Variants in RGS1 observed in about 807,000 individuals in gnomAD.
RGS1 encodes regulator of G protein signaling 1.
RGS1 carries 11 observed loss-of-function variants against 22.2 expected under a neutral mutation model. The observed-to-expected ratio is 0.50, with a 90% CI of 0.31 to 0.82. RGS1 has a LOEUF of 0.82. Ranked by LOEUF, RGS1 falls within the 40% of genes least tolerant of loss-of-function variation. The pLI is 0.04. For synonymous variants in RGS1, 81 were observed against 79.9 expected (o/e 1.01, Z -0.07); for missense variants, 255 against 245.8 (o/e 1.04, Z -0.25).
In RGS1 at chr1:192,578,177, CATTTA is replaced by C. The variant is rs766611630; in HGVS notation, c.281-36_281-32del. Reference sequence around the variant, plus strand: ...TCTTCAAATTATTCATTTGTTGGTTCATTTAATTTAATTATCTCCCCACCCACCCC... The same window carrying C: ...TCTTCAAATTATTCATTTGTTGGTTCATTTAATTATCTCCCCACCCACCCC... On this transcript the variant is annotated intron_variant, in intron 3 of 4. Coordinates refer to ENST00000367459, the MANE Select transcript of RGS1 (RefSeq NM_002922.4). 2.6e-6 allele frequency: 4 copies of C among 1,558,740 alleles called. No individual in the cohort carries two copies. In the East Asian group the frequency reaches 9.0e-5, roughly 35 times the overall value.
intron 1 of RGS1, 140 bp from the exon 2 acceptor site, chr1:192,576,144 AT>A: frequency 1.1e-6 from 1 of 903,624 alleles, no homozygotes; most frequent in South Asian, 1.8e-5. Flanking sequence ...ACACAGGCTC[AT>A]AAAAATGGGT....
intron 2 of RGS1, 24 bp downstream of exon 2, chr1:192,576,389 T>G: frequency 6.7e-7 from 1 of 1,493,650 alleles, no homozygotes; most frequent in Non-Finnish European, 9.3e-7. Flanking sequence ...TACACTAAAC[T>G]ATCATTATCA....
rs1407656389 is a variant in RGS1 at position 192,578,099 on chromosome 1, G to T, written c.281-123G>T. ...TAACACAGCTATTTCAGCAGTAGCTGTCTCTTACCTTTGTATGAATAGGAA... is the reference window on the plus strand; with the variant it reads ...TAACACAGCTATTTCAGCAGTAGCTTTCTCTTACCTTTGTATGAATAGGAA... On this transcript the variant is annotated intron_variant, in intron 3 of 4. Transcript: ENST00000367459. 10 of 1,156,458 alleles carry T rather than the reference G, an allele frequency of 8.6e-6. No homozygotes were observed. In the Admixed American group the frequency reaches 2.5e-4, roughly 29 times the overall value. The allele number at this position is 1,156,458 out of a possible 1,614,324, so 71.6% of individuals were successfully genotyped here.
At chr1:192,577,046 A>G in intron 3 of RGS1, 2 of 415,548 alleles carry the variant, frequency 4.8e-6, no homozygotes, top group Non-Finnish European at 4.2e-6. Context: ...ATTTGCCAAG[A>G]CAATTAGGTA....
chr1:192,578,174 G>A (rs769815126), intron 3 of RGS1, 48 bp from the exon 4 acceptor site: 1 of 1,556,692 alleles, frequency 6.4e-7, no homozygotes, highest in Admixed American at 2.1e-5. Flanking sequence ...TCATTTGTTG[G>A]TTCATTTAAT....
rs1280531498 is a variant in RGS1 at position 192,576,138 on chromosome 1, A to G, written c.138-147A>G. 8 of 886,962 alleles carry G rather than the reference A, an allele frequency of 9.0e-6. No homozygotes were observed. The South Asian group carries it at 1.4e-4, about 16-fold the overall frequency. The allele number at this position is 886,962 out of a possible 1,614,324, so 54.9% of individuals were successfully genotyped here. On this transcript the variant is annotated intron_variant, in intron 1 of 4. Coordinates refer to ENST00000367459, the MANE Select transcript of RGS1 (RefSeq NM_002922.4). ...ATTGGGTAGGAGTTTTTCTCTACAC[A>G]GGCTCATAAAAATGGGTTCTATAGC... is the stretch of plus-strand genomic sequence containing the variant.
Position 192,578,224 on chromosome 1 carries a change from G to C in RGS1, c.283G>C (p.Gly95Arg). 6.3e-7 allele frequency: 1 copy of C among 1,599,948 alleles called. No homozygotes were observed. Among genetic ancestry groups the C allele is most frequent in the Non-Finnish European group, 8.5e-7 (1 of 1,172,598 alleles). ...ACCCACCCCTCGTTTCTTTTTAGCT[G>C]GTCAAAATGTCTTTGGAAGTTTCCT... ...SLEKLLANQT[G>R]QNVFGSFLKS... is the part of the protein sequence containing the mutation. The change falls in exon 4 of 5, where the codon GGT becomes CGT. Residue 95 changes from glycine (G) to arginine (R), a missense_variant and splice_region_variant. Transcript: ENST00000367459.
chr1:192,575,858 C>A lies in RGS1; in HGVS notation c.66C>A (p.Asn22Lys). ...DKMPGMFFSANPKELKGTTHS... is the reference protein window; with the variant it reads ...DKMPGMFFSAKPKELKGTTHS... ...TGCCAGGAATGTTCTTCTCTGCTAA[C>A]CCAAAGGAATTGAAAGGAACCACTC... The change falls in exon 1 of 5, where the codon AAC (asparagine) becomes AAA (lysine). Residue 22 changes from asparagine (N) to lysine (K), a missense_variant. Physicochemically the swap from Asn to Lys is moderately conservative, Grantham distance 94. Transcript: ENST00000367459. 6.2e-7 allele frequency: 1 copy of A among 1,613,370 alleles called. No homozygotes were observed. The highest frequency in any genetic ancestry group is 8.5e-7 in the Non-Finnish European group (1 of 1,179,486).
intron 4 of RGS1, chr1:192,578,931 A>T: frequency 1.8e-6 from 1 of 540,686 alleles, no homozygotes; most frequent in Non-Finnish European, 3.2e-6. Flanking sequence ...TACTATGAGG[A>T]AATTTGGAAC....
rs181973067 is a variant in RGS1, at chr1:192,579,198, C to G, written c.506C>G (p.Thr169Arg). The G allele has an allele frequency of 1.9e-6, 3 of 1,613,292 alleles. No homozygotes were observed. Among genetic ancestry groups the G allele is most frequent in the Non-Finnish European group, 2.5e-6 (3 of 1,179,484 alleles). The change falls in exon 5 of 5, where the codon ACG becomes AGG. Residue 169 changes from threonine (T) to arginine (R), a missense_variant. Transcript: ENST00000367459. ...AAGAAGATTAAAGCACCAACCCCCA[C>G]GTGTTTTGATGAAGCACAAAAAGTC... The part of the protein sequence containing the change: ...TAKKIKAPTP[T>R]CFDEAQKVIY...
chr1:192,578,700 G>T, intron 4 of RGS1: 1 of 453,994 alleles, frequency 2.2e-6, no homozygotes. Flanking sequence ...TTTTGGATAA[G>T]AAAATGCAGA....
chr1:192,578,064 C>G, intron 3 of RGS1, 158 bp from the exon 4 acceptor site: 1 of 866,162 alleles, frequency 1.2e-6, no homozygotes, highest in South Asian at 1.9e-5. Context: ...CTTCTCATCT[C>G]TACAATCTAT....
At chr1:192,578,561 G>T (rs1341831164) in intron 4 of RGS1, 176 bp downstream of exon 4, 8 of 733,554 alleles carry the variant, frequency 1.1e-5, no homozygotes, top group Non-Finnish European at 1.7e-5. Flanking sequence ...TATTGGTGAG[G>T]GTTTCAGCAC....
chr1:192,575,884 A>T lies in RGS1; in HGVS notation c.92A>T (p.His31Leu). The change falls in exon 1 of 5, where the codon CAT becomes CTT. Residue 31 changes from histidine to leucine, a missense_variant. Physicochemically the swap from His to Leu is moderately conservative, Grantham distance 99. Transcript: ENST00000367459. ...ANPKELKGTT[H>L]SLLDDKMQKR... ...CCAAAGGAATTGAAAGGAACCACTC[A>T]TTCACTTCTAGACGACAAAATGCAA... is the stretch of plus-strand genomic sequence containing the variant. The T allele has an allele frequency of 6.2e-7, 1 of 1,613,354 alleles. No homozygotes were observed. Among genetic ancestry groups the T allele is most frequent in the South Asian group, 1.1e-5 (1 of 91,058 alleles).
chr1:192,577,137 A>C, intron 3 of RGS1: 1 of 289,614 alleles, frequency 3.5e-6, no homozygotes, highest in East Asian at 6.0e-5. Flanking sequence ...TAAGCCAAAT[A>C]TTTTAATATG....
chr1:192,579,111 T>A (rs771575568), intron 4 of RGS1, 26 bp from the exon 5 acceptor site: 1 of 1,594,484 alleles, frequency 6.3e-7, no homozygotes, highest in South Asian at 1.1e-5. Flanking sequence ...AAAGTATATA[T>A]TAGCTAACAA....
At chr1:192,577,815 T>G in intron 3 of RGS1, 1 of 178,284 alleles carries the variant, frequency 5.6e-6, no homozygotes, top group Non-Finnish European at 1.2e-5. Context: ...GAAATTATAT[T>G]TACTAATTAT....
At chr1:192,578,539 T>G in intron 4 of RGS1, 154 bp downstream of exon 4, 1 of 822,938 alleles carries the variant, frequency 1.2e-6, no homozygotes, top group South Asian at 1.8e-5. Flanking sequence ...GCAATGAGAA[T>G]CTAATTTTCT....
intron 3 of RGS1, chr1:192,577,073 T>C (rs750011511): frequency 2.8e-5 from 11 of 386,694 alleles, no homozygotes; most frequent in Non-Finnish European, 4.6e-5. Flanking sequence ...TAGATCATTA[T>C]GGAGATAAAA....
Sources: allele counts gnomAD v4.1 joint callset, GRCh38; gene constraint gnomAD v4.1.1; transcripts MANE v1.5; gene names NCBI Gene and HGNC (gene_info 2026-07-23, HGNC 2026-07-21).